The following EYS variants were observed in gnomAD, a reference collection of about 807,000 sequenced individuals.
EYS encodes the protein EGF-like photoreceptor maintenance factor, also known as protein eyes shut homolog.
Under a neutral mutation model 282.1 loss-of-function variants are expected in EYS, and 250 were observed. That is an observed-to-expected ratio of 0.89 (90% CI 0.80 to 0.98). The LOEUF (loss-of-function observed/expected upper bound fraction) is 0.98, where lower values mean the gene tolerates loss of function less well. Among genes scored for constraint, EYS ranks in the 50% least tolerant of loss-of-function variants. EYS has a pLI of 0.00. For missense variants in EYS, 4,016 were observed against 3,709.0 expected (o/e 1.08, Z -2.15); for synonymous variants, 1,355 against 1,282.9 (o/e 1.06, Z -1.20).
Position 64,559,766 on chromosome 6 carries a change from T to A in EYS, c.5644+30457A>T, listed in dbSNP as rs573782259. ...TATACTACTCTTTTTTAAAAAAAAA[T>A]TTTCATTCCATTCCAGGGGTACATG... On this transcript the variant is annotated intron_variant, in intron 26 of 42. Transcript: ENST00000503581. Among the ~76,000 whole-genome samples the A allele has an allele frequency of 1.3e-4, 20 of 152,162 alleles. No homozygotes were observed. In the South Asian group the frequency reaches 1.5e-3, roughly 11 times the overall value.
At chr6:64,903,743 C>T (rs116360457) in intron 16 of EYS, among the ~76,000 whole-genome samples, 56 of 152,186 alleles carry the variant, frequency 3.7e-4, no homozygotes, top group African/African-American at 1.3e-3. Flanking sequence ...ATTGACTGAC[C>T]TATTTCATCT....
chr6:64,995,884 G>A (rs1771243574), intron 14 of EYS, among the ~76,000 whole-genome samples: 1 of 152,074 alleles, frequency 6.6e-6, no homozygotes, highest in Non-Finnish European at 1.5e-5. Context: ...AAGATGTAAA[G>A]TTGTACTCCT....
chr6:64,917,954 G>A (rs886322021), intron 15 of EYS, among the ~76,000 whole-genome samples: 11 of 151,978 alleles, frequency 7.2e-5, no homozygotes, highest in African/African-American at 2.7e-4. Context: ...TCTTTTTAGT[G>A]TCCTACAAAT....
At chr6:65,121,737 T>C (rs1775557450) in intron 12 of EYS, among the ~76,000 whole-genome samples, 2 of 152,182 alleles carry the variant, frequency 1.3e-5, no homozygotes, top group African/African-American at 4.8e-5. Context: ...TCTACAGTGA[T>C]ACGTGTATAA....
At chr6:65,405,475 A>G (rs1422380241) in intron 5 of EYS, 108 bp from the exon 6 acceptor site, 4 of 882,928 alleles carry the variant, frequency 4.5e-6, no homozygotes, top group African/African-American at 1.7e-5. Flanking sequence ...GAGTTTATGA[A>G]ATATTTTTAT....
At chr6:64,026,016 G>A (rs771860773) in intron 33 of EYS, among the ~76,000 whole-genome samples, 3 of 152,210 alleles carry the variant, frequency 2.0e-5, no homozygotes, top group Non-Finnish European at 4.4e-5. Context: ...GAATGCCTCA[G>A]TAGGGACTAC....
chr6:65,137,449 C>A (rs1776052857), intron 12 of EYS, among the ~76,000 whole-genome samples: 1 of 152,016 alleles, frequency 6.6e-6, no homozygotes, highest in African/African-American at 2.4e-5. Context: ...AGACTGACCA[C>A]TTGATATTAA....
At chr6:64,570,777 C>T (rs1389667680) in intron 26 of EYS, among the ~76,000 whole-genome samples, 1 of 152,112 alleles carries the variant, frequency 6.6e-6, no homozygotes, top group Non-Finnish European at 1.5e-5. Context: ...GCACCAGATC[C>T]ATAAAGCAAG....
intron 22 of EYS, chr6:64,713,186 C>G (rs745498737): frequency 6.6e-6 from 1 of 152,160 alleles, no homozygotes; most frequent in South Asian, 2.1e-4. Context: ...AATAAATATT[C>G]CTTCAAACAT....
At chr6:65,692,955 G>A (rs1236512940) in intron 1 of EYS, among the ~76,000 whole-genome samples, 1 of 149,768 alleles carries the variant, frequency 6.7e-6, no homozygotes, top group African/African-American at 2.4e-5. Flanking sequence ...CTTTCATATG[G>A]TCTTGGCTCC....
At chr6:63,846,294 T>G (rs1191596250) in intron 36 of EYS, among the ~76,000 whole-genome samples, 1 of 152,136 alleles carries the variant, frequency 6.6e-6, no homozygotes, top group East Asian at 1.9e-4. Flanking sequence ...CTTTGGTGTT[T>G]GCTGTCAACA....
intron 26 of EYS, among the ~76,000 whole-genome samples, chr6:64,520,018 T>C (rs911933186): frequency 1.3e-5 from 2 of 151,820 alleles, no homozygotes; most frequent in Non-Finnish European, 2.9e-5. Context: ...TCCAACATTA[T>C]GTGATTCTTC....
chr6:64,127,509 T>A (rs549074017), intron 31 of EYS, among the ~76,000 whole-genome samples: 51 of 152,290 alleles, frequency 3.3e-4, no homozygotes, highest in African/African-American at 1.2e-3. Context: ...CTCTACGGAT[T>A]TGTTTATATT....
intron 30 of EYS, among the ~76,000 whole-genome samples, chr6:64,278,782 G>C (rs1285472337): frequency 6.6e-6 from 1 of 151,522 alleles, no homozygotes; most frequent in Non-Finnish European, 1.5e-5. Flanking sequence ...CTCTCTTTCT[G>C]AGATAGGGTC....
chr6:64,844,669 T>A (rs116761864), intron 19 of EYS, among the ~76,000 whole-genome samples: 1,854 of 152,270 alleles, frequency 0.012, 38 homozygotes, highest in African/African-American at 0.042. Flanking sequence ...AGCTGATACT[T>A]ATTTCATTTG....
rs1340028936 is a variant in EYS, at chr6:64,813,634, ATATAAT to A, written c.3244-63_3244-58del. On this transcript the variant is annotated intron_variant, in intron 21 of 42. Transcript: ENST00000503581. ...TATTAGTATAAGGTTGACCATTTTA[ATATAAT>A]TATATTTTTATTTAAACATAATCTA... The A allele has an allele frequency of 4.9e-6, 5 of 1,018,638 alleles. No individual in the cohort carries two copies. The African/African-American group carries it at 5.1e-5, about 10-fold the overall frequency. The allele number at this position is 1,018,638 out of a possible 1,614,324, so 63.1% of individuals were successfully genotyped here. A position where few individuals can be genotyped will look rare whatever the true frequency, so the allele number is the denominator to read the frequency against.
At chr6:65,701,116 A>G (rs1027642313) in intron 1 of EYS, among the ~76,000 whole-genome samples, 6 of 152,302 alleles carry the variant, frequency 3.9e-5, no homozygotes, top group African/African-American at 1.4e-4. Context: ...TATATCCAGG[A>G]GAGGAATACT....
At chr6:64,126,013 T>G (rs951587765) in intron 31 of EYS, among the ~76,000 whole-genome samples, 1 of 151,668 alleles carries the variant, frequency 6.6e-6, no homozygotes, top group African/African-American at 2.4e-5. Context: ...GCACAACAGG[T>G]GCTGGAGAGG....
Position 63,753,902 on chromosome 6 carries a change from T to C in EYS, c.8071+8559A>G, listed in dbSNP as rs1333603176. Among the ~76,000 whole-genome samples the C allele has an allele frequency of 2.6e-5, 4 of 152,220 alleles. No individual in the cohort carries two copies. The East Asian group carries it at 7.7e-4, about 29-fold the overall frequency. ...TGCTTTTCTGAAGTGGTTCTCACCTTAGGAAAGCTATCTCCTTCTCTCATG... is the reference window on the plus strand; with the variant it reads ...TGCTTTTCTGAAGTGGTTCTCACCTCAGGAAAGCTATCTCCTTCTCTCATG... On this transcript the variant is annotated intron_variant, in intron 41 of 42. Transcript: ENST00000503581.
Sources: gnomAD v4.1 joint callset for allele counts (sites outside exome capture counted in the v4.1 genomes callset) on GRCh38, gnomAD v4.1.1 for gene constraint, MANE v1.5 for transcripts, NCBI Gene and HGNC (gene_info 2026-07-23, HGNC 2026-07-21) for gene names.